NELL2: variants seen among roughly 807,000 people sequenced by gnomAD.
NELL2 encodes protein kinase C-binding protein NELL2.
NELL2 carries 41 observed loss-of-function variants against 109.6 expected under a neutral mutation model. That is an observed-to-expected ratio of 0.37 (90% CI 0.29 to 0.49). The LOEUF (loss-of-function observed/expected upper bound fraction) is 0.49, where lower values mean the gene tolerates loss of function less well. NELL2 is among the 20% of genes least tolerant of loss of function. The probability of loss-of-function intolerance (pLI) is 0.98; values close to 1 mark genes in which losing one functional copy is unlikely to be tolerated. For missense variants in NELL2, 900 were observed against 1,008.3 expected, an observed-to-expected ratio of 0.89 and a Z score of 1.45; for synonymous variants, 355 against 344.7, an observed-to-expected ratio of 1.03 and a Z score of -0.33.
At chr12:44,756,426 A>G (rs1661329127) in intron 9 of NELL2, among the ~76,000 whole-genome samples, 1 of 151,980 alleles carries the variant, frequency 6.6e-6, no homozygotes, top group Non-Finnish European at 1.5e-5. Context: ...AAAATTCCTG[A>G]GCCCTACATG....
chr12:44,818,964 G>A (rs975972445), intron 2 of NELL2, among the ~76,000 whole-genome samples: 9 of 151,208 alleles, frequency 6.0e-5, no homozygotes, highest in Admixed American at 2.0e-4. Flanking sequence ...GGATGGTCTC[G>A]ATCTCCTGAC....
chr12:44,739,022 T>A (rs1032760314), intron 9 of NELL2, among the ~76,000 whole-genome samples: 1 of 152,214 alleles, frequency 6.6e-6, no homozygotes, highest in African/African-American at 2.4e-5. Context: ...TAGAATGATT[T>A]CCTCCACCAC....
Position 44,834,436 on chromosome 12 carries a change from C to CTT in NELL2, c.185-18302_185-18301dup, listed in dbSNP as rs36048159. 5.9e-3 allele frequency among the ~76,000 whole-genome samples: 771 copies of CTT among 131,536 alleles called. 34 individuals are homozygous for CTT. In the East Asian group the frequency reaches 0.12, roughly 21 times the overall value. The allele number at this position is 131,536 out of a possible 152,430, so 86.3% of individuals were successfully genotyped here. On this transcript the variant is annotated intron_variant, in intron 2 of 19. Coordinates refer to ENST00000429094, the MANE Select transcript of NELL2 (RefSeq NM_001145108.2). Reference sequence around the variant, plus strand: ...GTATACCTACACAGACACACGCATTCTTTTTTTTTTTTTTTTTGTCTCTTT... The same window carrying CTT: ...GTATACCTACACAGACACACGCATTCTTTTTTTTTTTTTTTTTTTGTCTCTTT...
intron 9 of NELL2, among the ~76,000 whole-genome samples, chr12:44,753,384 A>G (rs946729750): frequency 6.6e-6 from 1 of 152,204 alleles, no homozygotes; most frequent in African/African-American, 2.4e-5. Context: ...TATTTGTTCA[A>G]TTAATGGATG....
In NELL2 at chr12:44,774,782, G is replaced by C. The variant is rs771669487; in HGVS notation, c.959C>G (p.Ala320Gly). ...NPDCPLKSAL[A>G]YVDGKCCKEC... ...CTTACAGCATTTGCCATCCACATACGCAAGAGCCGACTTAAGTGGGCAGTC... is the reference window on the plus strand; with the variant it reads ...CTTACAGCATTTGCCATCCACATACCCAAGAGCCGACTTAAGTGGGCAGTC... Residue 320 changes from alanine to glycine, a missense_variant, in exon 9 of 20, where the codon GCG becomes GGG. Physicochemically the swap from Ala to Gly is moderately conservative, Grantham distance 60 (BLOSUM62 0). Around this residue, in one of 4 missense-constraint regions of NELL2, gnomAD observed 292 missense variants for 265.3 expected, o/e 1.10. Transcript: ENST00000429094. 1.9e-6 allele frequency: 3 copies of C among 1,613,978 alleles called. No homozygotes were observed. Among genetic ancestry groups the C allele is most frequent in the South Asian group, 1.1e-5 (1 of 91,074 alleles).
rs186700796 is a variant in NELL2 at position 44,803,010 on chromosome 12, G to A, written c.335+12976C>T. 7.9e-5 allele frequency among the ~76,000 whole-genome samples: 12 copies of A among 152,062 alleles called. No individual in the cohort carries two copies. The East Asian group carries it at 1.2e-3, about 15-fold the overall frequency. On this transcript the variant is annotated intron_variant, in intron 3 of 19. Coordinates refer to ENST00000429094, the MANE Select transcript of NELL2 (RefSeq NM_001145108.2). ...ACTTTTCAGCTCACCAACTTGACCCGGTGAGCAAGGTTAATATCACCAGTG... is the reference window on the plus strand; with the variant it reads ...ACTTTTCAGCTCACCAACTTGACCCAGTGAGCAAGGTTAATATCACCAGTG...
chr12:44,509,852 T>A (rs1021871459), intron 19 of NELL2, among the ~76,000 whole-genome samples: 1 of 152,214 alleles, frequency 6.6e-6, no homozygotes, highest in Admixed American at 6.5e-5. Context: ...GGGTAGACTG[T>A]TCTGTGAGGT....
chr12:44,765,636 T>C (rs1417479115), intron 9 of NELL2, among the ~76,000 whole-genome samples: 1 of 145,116 alleles, frequency 6.9e-6, no homozygotes, highest in East Asian at 1.9e-4. Context: ...TTCTGACAAA[T>C]AGATATGTTA....
intron 9 of NELL2, among the ~76,000 whole-genome samples, chr12:44,741,570 C>G (rs1265918840): frequency 1.3e-5 from 2 of 152,208 alleles, no homozygotes; most frequent in Non-Finnish European, 2.9e-5. Flanking sequence ...AAAGGGGTGA[C>G]AGACGGCACC....
chr12:44,644,625 T>TATATATAA (rs1455589223), intron 13 of NELL2, among the ~76,000 whole-genome samples: 10 of 98,754 alleles, frequency 1.0e-4, no homozygotes, highest in African/African-American at 3.1e-4. Context: ...TATATATATA[T>TATATATAA]ACATACATAT....
intron 2 of NELL2, among the ~76,000 whole-genome samples, chr12:44,845,457 ATAAAATTC>A (rs2136761775): frequency 6.6e-6 from 1 of 152,336 alleles, no homozygotes; most frequent in East Asian, 1.9e-4. Context: ...TCAAAATTAA[ATAAAATTC>A]TAAAATTCAG....
intron 15 of NELL2, among the ~76,000 whole-genome samples, chr12:44,587,284 AATATAT>A (rs1555180982): frequency 9.7e-5 from 7 of 72,212 alleles, no homozygotes; most frequent in African/African-American, 3.5e-4. Context: ...AAAAAAAAAA[AATATAT>A]ATATATATAT....
Position 44,745,051 on chromosome 12 carries a change from T to G in NELL2, c.994+29696A>C, listed in dbSNP as rs542776789. Among the ~76,000 whole-genome samples the G allele has an allele frequency of 5.9e-5, 9 of 152,326 alleles. No homozygotes were observed. The South Asian group carries it at 1.7e-3, about 28-fold the overall frequency. ...TTGATGAACATCAATGCGAAAATCC[T>G]ACATAAAATACTGGCAAACCGAATC... On this transcript the variant is annotated intron_variant, in intron 9 of 19. Transcript: ENST00000429094.
chr12:44,696,137 A>G (rs1422911450), intron 12 of NELL2, among the ~76,000 whole-genome samples: 1 of 152,244 alleles, frequency 6.6e-6, no homozygotes, highest in Non-Finnish European at 1.5e-5. Flanking sequence ...AAAAGATAGC[A>G]TTACAAAGAC....
At chr12:44,730,540 A>G (rs895172803) in intron 9 of NELL2, among the ~76,000 whole-genome samples, 2 of 152,282 alleles carry the variant, frequency 1.3e-5, no homozygotes, top group Non-Finnish European at 2.9e-5. Context: ...TAGTTAATTG[A>G]TCAACTAAAA....
At chr12:44,619,176 G>C (rs909947935) in intron 13 of NELL2, among the ~76,000 whole-genome samples, 1 of 152,132 alleles carries the variant, frequency 6.6e-6, no homozygotes, top group Non-Finnish European at 1.5e-5. Context: ...TAAAGACGGG[G>C]AAGAACACTG....
intron 5 of NELL2, among the ~76,000 whole-genome samples, chr12:44,779,152 G>A (rs1183974739): frequency 6.6e-6 from 1 of 152,182 alleles, no homozygotes; most frequent in Non-Finnish European, 1.5e-5. Context: ...ATTCTATGAA[G>A]TGTTGTCTCC....
chr12:44,728,147 T>C (rs1939178480), intron 9 of NELL2, among the ~76,000 whole-genome samples: 1 of 152,032 alleles, frequency 6.6e-6, no homozygotes, highest in Non-Finnish European at 1.5e-5. Flanking sequence ...CAGAGGCATG[T>C]GATTACCTGA....
intron 9 of NELL2, among the ~76,000 whole-genome samples, chr12:44,762,544 G>A (rs1052784566): frequency 6.6e-6 from 1 of 152,092 alleles, no homozygotes; most frequent in African/African-American, 2.4e-5. Context: ...CACTGCCCTT[G>A]GCGTAATAAT....
Sources: gnomAD v4.1 joint callset for allele counts (sites outside exome capture counted in the v4.1 genomes callset) on GRCh38, gnomAD v4.1.1 for gene constraint, gnomAD v4.1.1 regional missense constraint, MANE v1.5 for transcripts, NCBI Gene and HGNC (gene_info 2026-07-23, HGNC 2026-07-21) for gene names.